PIGN: variants seen among roughly 807,000 people sequenced by gnomAD.
The protein encoded by PIGN is GPI ethanolamine phosphate transferase 1.
PIGN carries 117 observed loss-of-function variants against 125.4 expected under a neutral mutation model. That is an observed-to-expected ratio of 0.93 (90% confidence interval 0.80 to 1.09). The LOEUF (loss-of-function observed/expected upper bound fraction) is 1.09. Ranked by LOEUF, PIGN falls within the 50% of genes least tolerant of loss-of-function variation. The probability of loss-of-function intolerance (pLI) is 0.00; values close to 1 mark genes in which losing one functional copy is unlikely to be tolerated. For synonymous variants in PIGN, 392 were observed against 377.8 expected (o/e 1.04, Z -0.44); for missense variants, 1,075 against 1,094.9 (o/e 0.98, Z 0.26).
intron 8 of PIGN, among the ~76,000 whole-genome samples, chr18:62,147,796 T>C (rs556500597): frequency 1.3e-5 from 2 of 152,182 alleles, no homozygotes; most frequent in Non-Finnish European, 2.9e-5. Flanking sequence ...CAAAAATGTA[T>C]ACAATTTATT....
intron 3 of PIGN, among the ~76,000 whole-genome samples, chr18:62,161,804 T>G (rs2036962379): frequency 6.6e-6 from 1 of 152,234 alleles, no homozygotes; most frequent in Non-Finnish European, 1.5e-5. Context: ...TGACAATCAT[T>G]GCCAATAACG....
intron 23 of PIGN, among the ~76,000 whole-genome samples, chr18:62,029,681 G>C (rs1164250096): frequency 6.6e-6 from 1 of 152,186 alleles, no homozygotes; most frequent in Non-Finnish European, 1.5e-5. Context: ...AGGCGGAGGG[G>C]AGAAGGGAGA....
intron 22 of PIGN, among the ~76,000 whole-genome samples, chr18:62,098,575 CAT>C (rs2034306522): frequency 6.6e-6 from 1 of 152,082 alleles, no homozygotes; most frequent in African/African-American, 2.4e-5. Context: ...TTCTAAATGA[CAT>C]AAGTAGAACC....
intron 27 of PIGN, 137 bp downstream of exon 27, chr18:62,084,394 G>A (rs1194188876): frequency 1.0e-5 from 6 of 575,244 alleles, no homozygotes; most frequent in Admixed American, 3.2e-5. Flanking sequence ...GTAAGGGATA[G>A]AGGGTCTCAC....
intron 20 of PIGN, among the ~76,000 whole-genome samples, chr18:62,104,352 G>A (rs1196036190): frequency 1.3e-5 from 2 of 152,138 alleles, no homozygotes; most frequent in African/African-American, 2.4e-5. Flanking sequence ...AATACTGCTT[G>A]AGCAGGACTG....
At chr18:62,094,651 GA>G (rs1243916412) in intron 23 of PIGN, among the ~76,000 whole-genome samples, 1 of 152,058 alleles carries the variant, frequency 6.6e-6, no homozygotes, top group Non-Finnish European at 1.5e-5. Context: ...CATCACTCTT[GA>G]ATAACAGATG....
Position 62,101,167 on chromosome 18 carries a change from A to G in PIGN, c.1985T>C (p.Leu662Pro), listed in dbSNP as rs1254942786. Residue 662 changes from leucine (L) to proline (P), a missense_variant, in exon 22 of 31, where the codon CTC becomes CCC. Physicochemically the swap from Leu to Pro is moderately conservative, Grantham distance 98 (BLOSUM62 -3). This residue lies in a region of PIGN where 915 missense variants were observed against 908.7 expected (regional missense o/e 1.01). Transcript: ENST00000640252. ...AGTGCTATACACAACATACATGGAG[A>G]GCACTGTGCTCAGCACCTAAAGACA... ...VHLLQVLSTV[L>P]SMYVVYSTQS... 10 of 1,601,702 alleles carry G rather than the reference A, an allele frequency of 6.2e-6. No individual in the cohort carries two copies. Among genetic ancestry groups the G allele is most frequent in the Non-Finnish European group, 8.5e-6 (10 of 1,170,050 alleles).
rs117394896 is a variant in PIGN, at chr18:62,097,023, C to T, written c.2078-1073G>A. Among the ~76,000 whole-genome samples, 57 of 151,154 alleles carry T rather than the reference C, an allele frequency of 3.8e-4. No individual in the cohort carries two copies. In the East Asian group the frequency reaches 9.5e-3, roughly 25 times the overall value. On this transcript the variant is annotated intron_variant, in intron 22 of 30. Transcript: ENST00000640252. ...GCATGTGTCTTTATAGCAGCATGTT[C>T]ATGTCCAAAACACCAAAAGCAATGG...
chr18:62,172,623 TGCAA>T (rs1568257239), intron 1 of PIGN, among the ~76,000 whole-genome samples: 3 of 152,170 alleles, frequency 2.0e-5, no homozygotes, highest in African/African-American at 7.2e-5. Flanking sequence ...TAAATGTAAA[TGCAA>T]ATGTATATTT....
intron 1 of PIGN, among the ~76,000 whole-genome samples, chr18:62,165,219 A>G (rs2037088762): frequency 6.6e-6 from 1 of 152,226 alleles, no homozygotes; most frequent in Non-Finnish European, 1.5e-5. Context: ...CTCTTCACAC[A>G]TGCTCACATC....
In PIGN at chr18:62,084,599, G is replaced by A; in HGVS notation, c.2434C>T (p.Leu812Phe). ...GTCAGAAAGCAATAGACAGAGGCAAGATCAAAGCTAGGGAATTATAACAAG... is the reference window on the plus strand; with the variant it reads ...GTCAGAAAGCAATAGACAGAGGCAAAATCAAAGCTAGGGAATTATAACAAG... ...GNIASINSFD[L>F]ASVYCFLTVF... Residue 812 changes from leucine (L) to phenylalanine (F), a missense_variant, in exon 27 of 31, where the codon CTT becomes TTT. By Grantham distance (22) the Leu-to-Phe change is conservative (BLOSUM62 0). Transcript: ENST00000640252. 2 of 1,548,910 alleles carry A rather than the reference G, an allele frequency of 1.3e-6. No individual in the cohort carries two copies. The highest frequency in any genetic ancestry group is 1.8e-6 in the Non-Finnish European group (2 of 1,141,796).
At chr18:62,178,369 C>T (rs2037600997) in intron 1 of PIGN, among the ~76,000 whole-genome samples, 1 of 151,754 alleles carries the variant, frequency 6.6e-6, no homozygotes, top group South Asian at 2.1e-4. Context: ...AGTGGAGGAA[C>T]TAACCCTTAT....
chr18:62,028,570 G>A (rs2030154865), intron 23 of PIGN, among the ~76,000 whole-genome samples: 1 of 152,144 alleles, frequency 6.6e-6, no homozygotes, highest in African/African-American at 2.4e-5. Context: ...ACTCCTTCTT[G>A]TCTCCATTAT....
intron 23 of PIGN, among the ~76,000 whole-genome samples, chr18:62,092,614 A>G (rs956362267): frequency 2.6e-5 from 4 of 152,112 alleles, no homozygotes; most frequent in African/African-American, 9.7e-5. Context: ...GTTAATTAGA[A>G]AAAAAGATCC....
chr18:62,121,907 T>A (rs1378739244), intron 14 of PIGN, among the ~76,000 whole-genome samples: 3 of 152,036 alleles, frequency 2.0e-5, no homozygotes, highest in Non-Finnish European at 4.4e-5. Context: ...AATTGTTGGA[T>A]CATATGGTAG....
intron 1 of PIGN, among the ~76,000 whole-genome samples, chr18:62,164,403 C>T (rs778360105): frequency 2.0e-5 from 3 of 152,176 alleles, no homozygotes; most frequent in Non-Finnish European, 4.4e-5. Context: ...GTTCCACAGG[C>T]TTAACAGGAA....
chr18:62,162,021 C>T (rs1351227706), intron 3 of PIGN, among the ~76,000 whole-genome samples: 1 of 151,936 alleles, frequency 6.6e-6, no homozygotes, highest in Non-Finnish European at 1.5e-5. Flanking sequence ...AAAATTTGTA[C>T]TTATTAAAGA....
intron 30 of PIGN, chr18:62,072,382 G>C (rs918833541): frequency 1.8e-5 from 4 of 221,744 alleles, no homozygotes; most frequent in African/African-American, 4.6e-5. Flanking sequence ...AGGTATACCA[G>C]TTAAAAAATC....
intron 4 of PIGN, among the ~76,000 whole-genome samples, chr18:62,158,789 A>T (rs898640465): frequency 6.6e-6 from 1 of 152,236 alleles, no homozygotes; most frequent in Non-Finnish European, 1.5e-5. Context: ...AACAGTTTCA[A>T]AACCACTGGA....
Sources: gnomAD v4.1 joint callset for allele counts (sites outside exome capture counted in the v4.1 genomes callset) on GRCh38, gnomAD v4.1.1 for gene constraint, gnomAD v4.1.1 regional missense constraint, MANE v1.5 for transcripts, NCBI Gene and HGNC (gene_info 2026-07-23, HGNC 2026-07-21) for gene names.